Variants in POU2F1 observed in about 807,000 individuals in gnomAD.
POU2F1 encodes POU domain, class 2, transcription factor 1.
POU2F1 carries 16 observed loss-of-function variants against 84.9 expected under a neutral mutation model. The observed-to-expected ratio is 0.19, with a 90% confidence interval of 0.13 to 0.29. POU2F1 has a LOEUF of 0.29. POU2F1 is among the 10% of genes least tolerant of loss of function. POU2F1 has a pLI of 1.00. For missense variants in POU2F1, 738 were observed against 942.6 expected (o/e 0.78, Z 2.84); for synonymous variants, 368 against 368.3 (o/e 1.00, Z 0.01).
At chr1:167,386,092 C>G (rs1363042323) in intron 8 of POU2F1, among the ~76,000 whole-genome samples, 1 of 152,122 alleles carries the variant, frequency 6.6e-6, no homozygotes, top group South Asian at 2.1e-4. Context: ...TATGACAAAA[C>G]CAAGTGTTGG....
intron 8 of POU2F1, among the ~76,000 whole-genome samples, chr1:167,386,510 T>G (rs1647995606): frequency 6.6e-6 from 1 of 152,196 alleles, no homozygotes; most frequent in African/African-American, 2.4e-5. Flanking sequence ...AAATTAAATG[T>G]GCATGTACCT....
intron 1 of POU2F1, among the ~76,000 whole-genome samples, chr1:167,232,783 C>T (rs1407417620): frequency 1.3e-5 from 2 of 150,496 alleles, no homozygotes; most frequent in East Asian, 3.9e-4. Flanking sequence ...GTGGAGGTTG[C>T]AGTGAGCTGA....
chr1:167,391,768 A>G (rs1349869326), intron 9 of POU2F1, among the ~76,000 whole-genome samples: 8 of 151,288 alleles, frequency 5.3e-5, no homozygotes, highest in African/African-American at 1.9e-4. Flanking sequence ...ATGTTGCCCA[A>G]GCTGGTCTCG....
intron 2 of POU2F1, among the ~76,000 whole-genome samples, chr1:167,341,634 T>C (rs1323511905): frequency 6.6e-6 from 1 of 152,172 alleles, no homozygotes; most frequent in Non-Finnish European, 1.5e-5. Flanking sequence ...CTTTCTGGGC[T>C]CTGGCCACAT....
At chr1:167,341,698 TTTC>T (rs1226360918) in intron 2 of POU2F1, among the ~76,000 whole-genome samples, 1 of 152,120 alleles carries the variant, frequency 6.6e-6, no homozygotes, top group African/African-American at 2.4e-5. Flanking sequence ...TGGGCACATG[TTTC>T]AGTGCACTCT....
chr1:167,351,706 G>T (rs190566478), intron 2 of POU2F1, among the ~76,000 whole-genome samples: 123 of 152,058 alleles, frequency 8.1e-4, no homozygotes, highest in Non-Finnish European at 1.3e-3. Flanking sequence ...TTCCAGGCTG[G>T]ATATTTCATA....
At position 167,378,198 on chromosome 1, in the gene POU2F1, C is replaced by T. The variant is rs75690753; in HGVS notation, c.718+2043C>T. ...AAGTGTTCCCTTTTCTCCACAACCT[C>T]GCCAGCATCTGTTATTTTTTGAGTT... On this transcript the variant is annotated intron_variant, in intron 7 of 15. Coordinates refer to ENST00000367866, the MANE Select transcript of POU2F1 (RefSeq NM_002697.4). 6.7e-3 allele frequency among the ~76,000 whole-genome samples: 1,026 copies of T among 152,238 alleles called. 20 individuals are homozygous for T. Among genetic ancestry groups the T allele is most frequent in the Admixed American group, 0.042 (637 of 15,286 alleles).
intron 1 of POU2F1, among the ~76,000 whole-genome samples, chr1:167,274,787 G>A (rs1406061712): frequency 1.3e-5 from 2 of 152,046 alleles, no homozygotes; most frequent in Admixed American, 1.3e-4. Flanking sequence ...GTAAAGTTAC[G>A]CTTTCTTGTA....
At chr1:167,405,492 A>G (rs1406349607) in intron 13 of POU2F1, among the ~76,000 whole-genome samples, 1 of 151,872 alleles carries the variant, frequency 6.6e-6, no homozygotes, top group Non-Finnish European at 1.5e-5. Context: ...TGCCTGGGCA[A>G]CATAGTAAGA....
intron 2 of POU2F1, among the ~76,000 whole-genome samples, chr1:167,342,717 T>C (rs1040988849): frequency 6.6e-6 from 1 of 152,228 alleles, no homozygotes; most frequent in African/African-American, 2.4e-5. Context: ...TTTCAGACAC[T>C]TAAGGATTAT....
chr1:167,246,146 A>G (rs181128106), intron 1 of POU2F1, among the ~76,000 whole-genome samples: 97 of 152,346 alleles, frequency 6.4e-4, no homozygotes, highest in African/African-American at 2.1e-3. Flanking sequence ...CCCTTCTATC[A>G]GATTTATTGT....
At chr1:167,234,815 T>A (rs1046343542) in intron 1 of POU2F1, among the ~76,000 whole-genome samples, 3 of 152,238 alleles carry the variant, frequency 2.0e-5, no homozygotes, top group Non-Finnish European at 2.9e-5. Flanking sequence ...CATTTATATT[T>A]TTTTGTGACC....
intron 1 of POU2F1, among the ~76,000 whole-genome samples, chr1:167,264,843 G>C (rs181118034): frequency 5.0e-4 from 76 of 152,162 alleles, no homozygotes; most frequent in African/African-American, 1.8e-3. Context: ...TCCTGCTCCA[G>C]ATCTTCCCAC....
chr1:167,221,021 C>G (rs1222751696), intron 1 of POU2F1, 63 bp downstream of exon 1: 1 of 1,373,164 alleles, frequency 7.3e-7, no homozygotes, highest in Non-Finnish European at 1.0e-6. Flanking sequence ...GCTGCCCCCC[C>G]CCGCGACTTA....
At chr1:167,249,409 G>C (rs1472154374) in intron 1 of POU2F1, among the ~76,000 whole-genome samples, 5 of 152,174 alleles carry the variant, frequency 3.3e-5, no homozygotes, top group Non-Finnish European at 7.3e-5. Flanking sequence ...GCAGTGTAGG[G>C]TTATGCCTTC....
chr1:167,262,408 A>T (rs1227946953), intron 1 of POU2F1, among the ~76,000 whole-genome samples: 3 of 152,194 alleles, frequency 2.0e-5, no homozygotes, highest in African/African-American at 7.2e-5. Flanking sequence ...AAAATTGTTG[A>T]GTGTTTTATT....
At chr1:167,290,560 C>G (rs1328289120) in intron 1 of POU2F1, among the ~76,000 whole-genome samples, 1 of 152,222 alleles carries the variant, frequency 6.6e-6, no homozygotes, top group Non-Finnish European at 1.5e-5. Flanking sequence ...TGAAGCGTCT[C>G]AAGGTCAGAA....
chr1:167,403,562 T>A (rs571415365), intron 13 of POU2F1, among the ~76,000 whole-genome samples: 87 of 152,368 alleles, frequency 5.7e-4, no homozygotes, highest in Admixed American at 7.8e-4. Flanking sequence ...CCTCTTTTCC[T>A]CTGATATTTT....
chr1:167,260,165 A>G (rs1384716850), intron 1 of POU2F1, among the ~76,000 whole-genome samples: 5 of 152,236 alleles, frequency 3.3e-5, no homozygotes, highest in Non-Finnish European at 7.3e-5. Flanking sequence ...GGCGTAAGCC[A>G]CTGCACCCGG....
Sources: allele counts gnomAD v4.1 joint callset (sites outside exome capture counted in the v4.1 genomes callset), GRCh38; gene constraint gnomAD v4.1.1; transcripts MANE v1.5; gene names NCBI Gene and HGNC (gene_info 2026-07-23, HGNC 2026-07-21).